The following GALNT13 variants were observed in gnomAD, a reference collection of about 807,000 sequenced individuals.
The protein encoded by GALNT13 is UDP-GalNAc:polypeptide N-acetylgalactosaminyltransferase 13.
Under a neutral mutation model 64.2 loss-of-function variants are expected in GALNT13, and 28 were observed. The ratio of observed to expected loss-of-function variants is 0.44; its 90% CI spans 0.32 to 0.60. The LOEUF (loss-of-function observed/expected upper bound fraction) is 0.60, where lower values mean the gene tolerates loss of function less well. GALNT13 is among the 20% of genes least tolerant of loss of function. The pLI, the probability that GALNT13 is intolerant of heterozygous loss-of-function variation, is 0.05. For synonymous variants in GALNT13, 214 were observed against 224.6 expected (o/e 0.95, Z 0.42); for missense variants, 577 against 669.8 (o/e 0.86, Z 1.53).
intron 3 of GALNT13, among the ~76,000 whole-genome samples, chr2:154,096,076 A>G (rs1336846400): frequency 1.3e-5 from 2 of 152,014 alleles, no homozygotes; most frequent in Non-Finnish European, 1.5e-5. Flanking sequence ...ATAAGGATGA[A>G]TATTTATATT....
chr2:154,146,159 C>T (rs1163227868), intron 4 of GALNT13, among the ~76,000 whole-genome samples: 1 of 151,248 alleles, frequency 6.6e-6, no homozygotes, highest in Admixed American at 6.6e-5. Context: ...TATACACACA[C>T]ACACACGCAT....
At chr2:153,281,331 T>C in the GALNT13 span, among the ~76,000 whole-genome samples, 3 of 148,338 alleles carry the variant, frequency 2.0e-5, no homozygotes, top group Non-Finnish European at 4.5e-5. Flanking sequence ...TTTTTTTTTT[T>C]AATCCAACTT....
At chr2:154,182,119 A>G (rs976046181) in intron 4 of GALNT13, among the ~76,000 whole-genome samples, 2 of 152,188 alleles carry the variant, frequency 1.3e-5, no homozygotes, top group Non-Finnish European at 2.9e-5. Context: ...TACTATTTCT[A>G]GCTCCCTTTG....
chr2:153,930,127 G>A (rs1432591354), intron 2 of GALNT13, among the ~76,000 whole-genome samples: 1 of 152,002 alleles, frequency 6.6e-6, no homozygotes, highest in Admixed American at 6.6e-5. Context: ...ATGTTTGTTG[G>A]TCACATGCAT....
the GALNT13 span, among the ~76,000 whole-genome samples, chr2:153,330,358 T>A: frequency 6.6e-6 from 1 of 152,330 alleles, no homozygotes; most frequent in South Asian, 2.1e-4. Flanking sequence ...ATCTGTAGAT[T>A]TCATTGGGCA....
chr2:153,634,243 G>A, the GALNT13 span, among the ~76,000 whole-genome samples: 1 of 152,080 alleles, frequency 6.6e-6, no homozygotes, highest in African/African-American at 2.4e-5. Context: ...ATAAGCATAA[G>A]TAATTAACCA....
the GALNT13 span, among the ~76,000 whole-genome samples, chr2:153,256,071 T>C: frequency 6.6e-6 from 1 of 152,188 alleles, no homozygotes; most frequent in Non-Finnish European, 1.5e-5. Context: ...TTTTCCAACT[T>C]GGTTCCATTC....
At chr2:153,118,372 G>A in the GALNT13 span, among the ~76,000 whole-genome samples, 1 of 152,128 alleles carries the variant, frequency 6.6e-6, no homozygotes, top group East Asian at 1.9e-4. Context: ...ACCCCTTTCT[G>A]TCTCACAGTA....
At chr2:153,938,514 G>A (rs1691107380) in intron 2 of GALNT13, among the ~76,000 whole-genome samples, 1 of 152,182 alleles carries the variant, frequency 6.6e-6, no homozygotes, top group Admixed American at 6.5e-5. Context: ...TCACCTGTTT[G>A]CATGTAGAAG....
chr2:154,093,914 T>C (rs1164926776), intron 3 of GALNT13, among the ~76,000 whole-genome samples: 1 of 151,680 alleles, frequency 6.6e-6, no homozygotes, highest in Non-Finnish European at 1.5e-5. Context: ...ATAAAAGCTG[T>C]CATGTAATAG....
At chr2:153,875,183 A>G (rs924888584) in intron 1 of GALNT13, among the ~76,000 whole-genome samples, 4 of 152,102 alleles carry the variant, frequency 2.6e-5, no homozygotes. Context: ...CTGGAAACAT[A>G]ATGCCTCCTA....
At chr2:154,383,170 GCCTACTCTTCTGTTAGGAGATGATGTA>G (rs1312427363) in intron 9 of GALNT13, among the ~76,000 whole-genome samples, 1 of 151,834 alleles carries the variant, frequency 6.6e-6, no homozygotes, top group Non-Finnish European at 1.5e-5. Context: ...AAATAGGCTA[GCCTACTCTTCTGTTAGGAGATGATGTA>G]CCTCCTGAGG....
the GALNT13 span, among the ~76,000 whole-genome samples, chr2:153,797,400 C>T: frequency 6.6e-6 from 1 of 152,140 alleles, no homozygotes; most frequent in East Asian, 1.9e-4. Context: ...TGAGCAAAGG[C>T]CCTTTTTGAA....
At chr2:153,202,174 C>T in the GALNT13 span, among the ~76,000 whole-genome samples, 16 of 151,700 alleles carry the variant, frequency 1.1e-4, no homozygotes, top group East Asian at 3.9e-4. Context: ...TTAGTAGAGA[C>T]GGGGTTTCAC....
chr2:153,983,844 A>C (rs192203893), intron 3 of GALNT13, among the ~76,000 whole-genome samples: 98 of 152,070 alleles, frequency 6.4e-4, no homozygotes, highest in African/African-American at 2.0e-3. Flanking sequence ...TTTTCAATAA[A>C]GGTATCACTT....
the GALNT13 span, among the ~76,000 whole-genome samples, chr2:153,518,777 CA>C: frequency 1.3e-5 from 2 of 152,030 alleles, no homozygotes; most frequent in African/African-American, 4.8e-5. Context: ...GTTCCTAGAA[CA>C]ATAATTAACT....
chr2:153,547,900 C>T, the GALNT13 span, among the ~76,000 whole-genome samples: 492 of 152,218 alleles, frequency 3.2e-3, 2 homozygotes, highest in Non-Finnish European at 5.8e-3. Context: ...GTTTTGATAT[C>T]CATAAGTGGG....
chr2:153,905,963 G>A lies in GALNT13; in HGVS notation c.-105+4956G>A, dbSNP rs1688532691. ...TGTAGCATGAGGATGCTGGACAAAGGAATGATTAAAGTCCTAGGAGGAATA... is the reference window on the plus strand; with the variant it reads ...TGTAGCATGAGGATGCTGGACAAAGAAATGATTAAAGTCCTAGGAGGAATA... On this transcript the variant is annotated intron_variant, in intron 2 of 12. Coordinates refer to ENST00000392825, the MANE Select transcript of GALNT13 (RefSeq NM_052917.4). 3.3e-5 allele frequency among the ~76,000 whole-genome samples: 5 copies of A among 151,896 alleles called. No homozygotes were observed. In the South Asian group the frequency reaches 1.0e-3, roughly 31 times the overall value.
At chr2:153,781,714 A>G in the GALNT13 span, among the ~76,000 whole-genome samples, 1 of 152,166 alleles carries the variant, frequency 6.6e-6, no homozygotes, top group African/African-American at 2.4e-5. Context: ...AAAAAACTAA[A>G]TGTAGCAGAT....
Sources: allele counts gnomAD v4.1 joint callset (sites outside exome capture counted in the v4.1 genomes callset), GRCh38; gene constraint gnomAD v4.1.1; transcripts MANE v1.5; gene names NCBI Gene and HGNC (gene_info 2026-07-23, HGNC 2026-07-21).